SNX3: variants seen among roughly 807,000 people sequenced by gnomAD.
SNX3 encodes the protein sorting nexin-3.
In SNX3, 5 loss-of-function variants were observed where a neutral mutation model predicts 17.7. The ratio of observed to expected loss-of-function variants is 0.28; its 90% CI spans 0.15 to 0.59. The LOEUF is 0.59. Among genes scored for constraint, SNX3 ranks in the 20% least tolerant of loss-of-function variants. The pLI is 0.88. For missense variants in SNX3, 132 were observed against 206.8 expected (o/e 0.64, Z 2.22); for synonymous variants, 91 against 76.5 (o/e 1.19, Z -0.99).
intron 1 of SNX3, among the ~76,000 whole-genome samples, chr6:108,247,530 G>A (rs1161561399): frequency 6.6e-6 from 1 of 151,120 alleles, no homozygotes; most frequent in African/African-American, 2.4e-5. Context: ...ACCATGCCCA[G>A]ATAATTAAAA....
chr6:108,235,804 A>G (rs1383496506), intron 1 of SNX3, among the ~76,000 whole-genome samples: 4 of 152,100 alleles, frequency 2.6e-5, no homozygotes, highest in African/African-American at 9.7e-5. Flanking sequence ...GCTGAGGCAC[A>G]AGAATCACAT....
chr6:108,237,928 T>C (rs1358383588), intron 1 of SNX3, among the ~76,000 whole-genome samples: 1 of 148,932 alleles, frequency 6.7e-6, no homozygotes, highest in Non-Finnish European at 1.5e-5. Context: ...CAAAACCCTA[T>C]CTTCACTAAA....
intron 1 of SNX3, among the ~76,000 whole-genome samples, chr6:108,225,365 G>A (rs1376122675): frequency 6.6e-6 from 1 of 152,326 alleles, no homozygotes; most frequent in Admixed American, 6.5e-5. Flanking sequence ...TTGGGAGGCC[G>A]AGGTGGGCCG....
In SNX3 at chr6:108,253,891, C is replaced by G. The variant is rs1221686271; in HGVS notation, c.162+6869G>C. Among the ~76,000 whole-genome samples the G allele has an allele frequency of 1.3e-5, 2 of 152,008 alleles. 1 individual carries two copies. The highest frequency in any genetic ancestry group is 4.2e-4 in the South Asian group (2 of 4,812). ...CTGTAATTCCAGCACTTTGGGAGGC[C>G]GAGGTGGGTGGATCACGAGGTCAGG... On this transcript the variant is annotated intron_variant, in intron 1 of 3. Transcript: ENST00000230085.
chr6:108,236,676 C>T (rs1775353952), intron 1 of SNX3, among the ~76,000 whole-genome samples: 1 of 152,018 alleles, frequency 6.6e-6, no homozygotes, highest in Admixed American at 6.6e-5. Context: ...GCGTGAGCCA[C>T]CGTGCCCGGC....
intron 1 of SNX3, among the ~76,000 whole-genome samples, chr6:108,251,509 G>A (rs568816079): frequency 6.6e-6 from 1 of 152,266 alleles, no homozygotes; most frequent in African/African-American, 2.4e-5. Context: ...TCCTGGTTGT[G>A]TCCTTCAAGG....
At chr6:108,254,703 T>C (rs1775980758) in intron 1 of SNX3, among the ~76,000 whole-genome samples, 2 of 152,094 alleles carry the variant, frequency 1.3e-5, no homozygotes, top group African/African-American at 2.4e-5. Context: ...AGCAAACAAA[T>C]TTATTCCTAA....
At position 108,211,371 on chromosome 6, in the gene SNX3, G is replaced by C. The variant is rs1411907465; in HGVS notation, c.*778C>G. The stretch of plus-strand genomic sequence containing the variant: ...TTAAAAATACCCCATTCAATGGATG[G>C]AAGTATATTTGATATCACCACTGTT... On this transcript the variant is annotated 3_prime_UTR_variant, in exon 4 of 4. Transcript: ENST00000230085. 6.6e-6 allele frequency: 1 copy of C among 152,096 alleles called. No homozygotes were observed. Among genetic ancestry groups the C allele is most frequent in the East Asian group, 1.9e-4 (1 of 5,198 alleles). 9.4% of individuals were successfully genotyped at this position (152,096 alleles called of 1,614,324 possible).
intron 1 of SNX3, among the ~76,000 whole-genome samples, chr6:108,227,816 T>G (rs192096938): frequency 0.036 from 5,019 of 138,372 alleles, 93 homozygotes; most frequent in African/African-American, 0.051. Context: ...AAAATGTGGG[T>G]TTTTTTTTTT....
At chr6:108,228,154 T>C (rs1775029527) in intron 1 of SNX3, among the ~76,000 whole-genome samples, 1 of 152,172 alleles carries the variant, frequency 6.6e-6, no homozygotes, top group Admixed American at 6.5e-5. Flanking sequence ...GGCTCAAGCC[T>C]GTAATCCCTG....
chr6:108,215,913 C>T (rs889553008), intron 2 of SNX3, among the ~76,000 whole-genome samples: 4 of 151,602 alleles, frequency 2.6e-5, no homozygotes, highest in Non-Finnish European at 5.9e-5. Context: ...TAGGTGACAG[C>T]GAGACCCCGT....
At chr6:108,248,240 C>T (rs1174728528) in intron 1 of SNX3, among the ~76,000 whole-genome samples, 1 of 152,206 alleles carries the variant, frequency 6.6e-6, no homozygotes, top group Non-Finnish European at 1.5e-5. Context: ...CCTCTCCCCA[C>T]TCTCCTTACC....
At chr6:108,250,814 C>T (rs1044383474) in intron 1 of SNX3, among the ~76,000 whole-genome samples, 1 of 152,186 alleles carries the variant, frequency 6.6e-6, no homozygotes, top group Non-Finnish European at 1.5e-5. Flanking sequence ...AAAAGAAATG[C>T]TCCATCAGTG....
At chr6:108,257,353 A>T (rs976056321) in intron 1 of SNX3, among the ~76,000 whole-genome samples, 2 of 152,100 alleles carry the variant, frequency 1.3e-5, no homozygotes, top group Admixed American at 6.6e-5. Flanking sequence ...GTCTCATCTG[A>T]CAAAAAATAA....
chr6:108,242,567 T>C (rs558422655), intron 1 of SNX3, among the ~76,000 whole-genome samples: 1 of 152,306 alleles, frequency 6.6e-6, no homozygotes, highest in East Asian at 1.9e-4. Flanking sequence ...TCCAGCGTGG[T>C]AGGCTGAATT....
At chr6:108,254,132 A>G (rs1425527251) in intron 1 of SNX3, among the ~76,000 whole-genome samples, 2 of 27,022 alleles carry the variant, frequency 7.4e-5, no homozygotes, top group Admixed American at 8.5e-4. Context: ...GTCTCAAAGA[A>G]AAAAAAAAAA....
intron 1 of SNX3, among the ~76,000 whole-genome samples, chr6:108,255,424 A>G (rs1776000788): frequency 6.6e-6 from 1 of 152,074 alleles, no homozygotes; most frequent in African/African-American, 2.4e-5. Context: ...ATCGTGGCTC[A>G]CTGCAGTGTT....
chr6:108,260,840 A>G lies in SNX3; in HGVS notation c.82T>C (p.Phe28Leu). ...LNDAYGPPSN[F>L]LEIDVSNPQT... is the part of the protein sequence containing the mutation. ...GGGTTGCTCACATCGATCTCGAGGA[A>G]GTTGCTGGGGGGTCCGTAGGCGTCA... is the stretch of plus-strand genomic sequence containing the variant. Residue 28 changes from phenylalanine to leucine, a missense_variant, in exon 1 of 4, where the codon TTC (phenylalanine) becomes CTC (leucine). Transcript: ENST00000230085. 6.2e-7 allele frequency: 1 copy of G among 1,613,654 alleles called. No individual in the cohort carries two copies. Among genetic ancestry groups the G allele is most frequent in the Non-Finnish European group, 8.5e-7 (1 of 1,179,752 alleles).
intron 1 of SNX3, among the ~76,000 whole-genome samples, chr6:108,254,788 A>G (rs1291250808): frequency 6.6e-6 from 1 of 152,208 alleles, no homozygotes; most frequent in Admixed American, 6.5e-5. Flanking sequence ...AAAAGGGGAC[A>G]TTAAGGCTGA....
Sources: allele counts gnomAD v4.1 joint callset (sites outside exome capture counted in the v4.1 genomes callset), GRCh38; gene constraint gnomAD v4.1.1; transcripts MANE v1.5; gene names NCBI Gene and HGNC (gene_info 2026-07-23, HGNC 2026-07-21).